BAIAP2: variants seen among roughly 807,000 people sequenced by gnomAD.
BAIAP2 encodes the protein BAR/IMD domain-containing adapter protein 2.
A neutral mutation model predicts 63.0 loss-of-function variants in BAIAP2; 18 were observed. That is an observed-to-expected ratio of 0.29 (90% confidence interval 0.20 to 0.42). The LOEUF (loss-of-function observed/expected upper bound fraction) is 0.42, where lower values mean the gene tolerates loss of function less well. BAIAP2 is among the 10% of genes least tolerant of loss of function. BAIAP2 has a pLI of 1.00. For synonymous variants in BAIAP2, 386 were observed against 307.6 expected (o/e 1.25, Z -2.67); for missense variants, 610 against 734.3 (o/e 0.83, Z 1.96).
At position 81,035,287 on chromosome 17, in the gene BAIAP2, G is replaced by C; in HGVS notation, c.33G>C (p.Arg11=). 2 of 1,513,276 alleles carry C rather than the reference G, an allele frequency of 1.3e-6. No homozygotes were observed. Among genetic ancestry groups the C allele is most frequent in the Non-Finnish European group, 1.8e-6 (2 of 1,126,506 alleles). 93.7% of individuals were successfully genotyped at this position (1,513,276 alleles called of 1,614,324 possible). A position where few individuals can be genotyped will look rare whatever the true frequency, so the allele number is the denominator to read the frequency against. The change falls in exon 1 of 14, where the codon CGG becomes CGC. Residue 11 remains arginine (R), a synonymous_variant. Coordinates refer to ENST00000428708, the MANE Select transcript of BAIAP2 (RefSeq NM_001144888.2). ...TGTCTCGCTCAGAGGAGATGCACCGGCTCACGGAAAATGTCTATAAGGTGA... is the reference window on the plus strand; with the variant it reads ...TGTCTCGCTCAGAGGAGATGCACCGCCTCACGGAAAATGTCTATAAGGTGA... MSLSRSEEMH[R]LTENVYKTIM...
In BAIAP2 at chr17:81,116,494, T is replaced by C. The variant is rs2060544195; in HGVS notation, c.*655T>C. The C allele has an allele frequency of 1.4e-6, 1 of 731,086 alleles. No individual in the cohort carries two copies. Among genetic ancestry groups the C allele is most frequent in the Non-Finnish European group, 2.2e-6 (1 of 460,320 alleles). 45.3% of individuals were successfully genotyped at this position (731,086 alleles called of 1,614,324 possible). ...GCCCTCCTCCTTACCCAACCTCCCA[T>C]CCAGAACCTTGCTGCCAGGGCCTCC... On this transcript the variant is annotated 3_prime_UTR_variant, in exon 14 of 14. Coordinates refer to ENST00000428708, the MANE Select transcript of BAIAP2 (RefSeq NM_001144888.2).
Position 81,035,249 on chromosome 17 carries a change from A to G in BAIAP2, c.-6A>G, listed in dbSNP as rs775975531. On this transcript the variant is annotated 5_prime_UTR_variant, in exon 1 of 14. Coordinates refer to ENST00000428708, the MANE Select transcript of BAIAP2 (RefSeq NM_001144888.2). ...CCGGTCTGTGGTGCAGCCGGGACCC[A>G]GGACCATGTCTCTGTCTCGCTCAGA... is the stretch of plus-strand genomic sequence containing the variant. 5.9e-6 allele frequency: 9 copies of G among 1,519,250 alleles called. No homozygotes were observed. The highest frequency in any genetic ancestry group is 6.2e-6 in the Non-Finnish European group (7 of 1,129,794). The allele number at this position is 1,519,250 out of a possible 1,614,324, so 94.1% of individuals were successfully genotyped here.
intron 13 of BAIAP2, among the ~76,000 whole-genome samples, chr17:81,114,178 G>A (rs1486575386): frequency 7.3e-6 from 1 of 136,912 alleles, no homozygotes; most frequent in African/African-American, 2.8e-5. Context: ...ACGCTTTGCT[G>A]CCCAGGCTGG....
chr17:81,092,498 C>T (rs1390402201), intron 6 of BAIAP2, among the ~76,000 whole-genome samples: 1 of 152,178 alleles, frequency 6.6e-6, no homozygotes, highest in African/African-American at 2.4e-5. Context: ...GTCTGCCTGC[C>T]AGGGTGCCCT....
At position 81,116,301 on chromosome 17, in the gene BAIAP2, G is replaced by A. The variant is rs751295798; in HGVS notation, c.*462G>A. 2 of 1,612,836 alleles carry A rather than the reference G, an allele frequency of 1.2e-6. No homozygotes were observed. The highest frequency in any genetic ancestry group is 1.1e-5 in the South Asian group (1 of 91,090). On this transcript the variant is annotated 3_prime_UTR_variant, in exon 14 of 14. Transcript: ENST00000428708. The stretch of plus-strand genomic sequence containing the variant: ...GGGAGCGCCCGCACCCTGGCTGGAA[G>A]ATGAACTTCCCGTAAGCACGTAATT...
At chr17:81,105,124 G>GTGGCAGGGGTCTCC in intron 10 of BAIAP2, 1 of 148,784 alleles carries the variant, frequency 6.7e-6, no homozygotes, top group South Asian at 1.2e-4. Flanking sequence ...GCAGGGGTCT[G>GTGGCAGGGGTCTCC]CCCCATGGCA....
chr17:81,072,002 C>T (rs2052763142), intron 3 of BAIAP2, among the ~76,000 whole-genome samples: 2 of 152,376 alleles, frequency 1.3e-5, no homozygotes, highest in South Asian at 4.1e-4. Flanking sequence ...CTGCTTCCGG[C>T]CTCCCCGGCC....
intron 4 of BAIAP2, 47 bp from the exon 5 acceptor site, chr17:81,085,607 T>C (rs557779053): frequency 1.3e-6 from 2 of 1,517,118 alleles, no homozygotes; most frequent in Admixed American, 3.3e-5. Context: ...CTGTTCCGGG[T>C]CCATGTGTTG....
rs545288641 is a variant in BAIAP2 at position 81,116,031 on chromosome 17, C to T, written c.*192C>T. 9 of 1,458,610 alleles carry T rather than the reference C, an allele frequency of 6.2e-6. No homozygotes were observed. Among genetic ancestry groups the T allele is most frequent in the South Asian group, 1.4e-5 (1 of 71,976 alleles). The allele number at this position is 1,458,610 out of a possible 1,614,324, so 90.4% of individuals were successfully genotyped here. On this transcript the variant is annotated 3_prime_UTR_variant, in exon 14 of 14. Transcript: ENST00000428708. The stretch of plus-strand genomic sequence containing the variant: ...GGCCGGGCAGAGTGGGGCGCAGGCC[C>T]CTGAAGGGCGAGACCCAGTGGCTGG...
At chr17:81,104,146 G>C in intron 9 of BAIAP2, 38 bp downstream of exon 9, 1 of 1,607,354 alleles carries the variant, frequency 6.2e-7, no homozygotes, top group African/African-American at 1.3e-5. Flanking sequence ...GGGGTCCCTG[G>C]ACGTGCCTCC....
intron 3 of BAIAP2, among the ~76,000 whole-genome samples, chr17:81,064,546 G>A (rs1220242596): frequency 2.6e-5 from 4 of 152,252 alleles, no homozygotes; most frequent in East Asian, 3.9e-4. Context: ...CTTGGCCTGC[G>A]TGAGCTTTCA....
At chr17:81,073,901 C>T (rs775767035) in intron 3 of BAIAP2, among the ~76,000 whole-genome samples, 9 of 152,176 alleles carry the variant, frequency 5.9e-5, no homozygotes, top group Non-Finnish European at 1.0e-4. Flanking sequence ...TTGTCGCTCA[C>T]GGTTAAGCCC....
intron 13 of BAIAP2, among the ~76,000 whole-genome samples, chr17:81,114,103 C>T (rs1038994047): frequency 1.2e-4 from 18 of 151,288 alleles, no homozygotes; most frequent in African/African-American, 4.4e-4. Context: ...GAGCTGGGAC[C>T]ACAGGCATGC....
chr17:81,043,810 G>T (rs1248283565), intron 1 of BAIAP2, among the ~76,000 whole-genome samples: 1 of 152,236 alleles, frequency 6.6e-6, no homozygotes, highest in East Asian at 1.9e-4. Flanking sequence ...GCCAACTCCA[G>T]GGCCCTCTGG....
At chr17:81,059,104 C>T (rs2050116187) in intron 3 of BAIAP2, among the ~76,000 whole-genome samples, 1 of 152,162 alleles carries the variant, frequency 6.6e-6, no homozygotes, top group South Asian at 2.1e-4. Flanking sequence ...TTCGCAGCCC[C>T]CTGCGGACCC....
chr17:81,048,100 C>T (rs2048100548), intron 1 of BAIAP2, among the ~76,000 whole-genome samples: 1 of 152,194 alleles, frequency 6.6e-6, no homozygotes, highest in South Asian at 2.1e-4. Context: ...AAACAGAATT[C>T]CTGGCCGGGA....
chr17:81,108,377 C>T (rs1343668423), intron 12 of BAIAP2, 98 bp from the exon 13 acceptor site: 4 of 1,374,682 alleles, frequency 2.9e-6, no homozygotes, highest in Non-Finnish European at 4.1e-6. Flanking sequence ...TGAACCTTGT[C>T]CAGGCAGGAT....
chr17:81,047,681 T>C (rs1393830067), intron 1 of BAIAP2, among the ~76,000 whole-genome samples: 1 of 146,610 alleles, frequency 6.8e-6, no homozygotes, highest in African/African-American at 2.6e-5. Context: ...CAGGTCCATC[T>C]CATGCCCACA....
intron 1 of BAIAP2, among the ~76,000 whole-genome samples, chr17:81,037,906 G>A (rs1231760687): frequency 1.3e-5 from 2 of 152,258 alleles, no homozygotes; most frequent in Non-Finnish European, 2.9e-5. Context: ...GTAAGAATCC[G>A]TAACGCAGAC....
Sources: gnomAD v4.1 joint callset for allele counts (sites outside exome capture counted in the v4.1 genomes callset) on GRCh38, gnomAD v4.1.1 for gene constraint, MANE v1.5 for transcripts, NCBI Gene and HGNC (gene_info 2026-07-23, HGNC 2026-07-21) for gene names.